The following FREM1 variants were observed in gnomAD, a reference collection of about 807,000 sequenced individuals.
The protein encoded by FREM1 is FRAS1 related extracellular matrix 1.
Under a neutral mutation model 210.1 loss-of-function variants are expected in FREM1, and 220 were observed. That is an observed-to-expected ratio of 1.05 (90% CI 0.94 to 1.17). The LOEUF is 1.17. FREM1 is among the 50% of genes most tolerant of loss of function. The pLI is 0.00. For missense variants in FREM1, 3,454 were observed against 2,675.5 expected (o/e 1.29, Z -6.42); for synonymous variants, 1,189 against 980.2 (o/e 1.21, Z -3.98).
At chr9:14,901,942 C>T (rs2132623613) in intron 1 of FREM1, among the ~76,000 whole-genome samples, 1 of 151,822 alleles carries the variant, frequency 6.6e-6, no homozygotes, top group South Asian at 2.1e-4. Flanking sequence ...GCCTTGACCA[C>T]TGGGTCTCAA....
intron 10 of FREM1, among the ~76,000 whole-genome samples, chr9:14,828,685 T>C (rs1181956023): frequency 6.6e-6 from 1 of 151,350 alleles, no homozygotes; most frequent in African/African-American, 2.4e-5. Context: ...TATTTATGTA[T>C]AAATTTATTT....
chr9:14,869,020 T>C lies in FREM1; in HGVS notation c.-43A>G. 1 of 1,383,916 alleles carries C rather than the reference T, an allele frequency of 7.2e-7. No individual in the cohort carries two copies. Among genetic ancestry groups the C allele is most frequent in the East Asian group, 2.5e-5 (1 of 40,012 alleles). The allele number at this position is 1,383,916 out of a possible 1,614,324, so 85.7% of individuals were successfully genotyped here. A position where few individuals can be genotyped will look rare whatever the true frequency, so the allele number is the denominator to read the frequency against. On this transcript the variant is annotated 5_prime_UTR_variant, in exon 2 of 37. Transcript: ENST00000380880. ...CTTCTCTGTCCACCGGCGAAATCCC[T>C]TTAACAAAGGAGGGCTTCTGTGCTT...
chr9:14,874,355 A>G (rs1387609817), intron 1 of FREM1, among the ~76,000 whole-genome samples: 45 of 150,656 alleles, frequency 3.0e-4, no homozygotes, highest in Non-Finnish European at 5.3e-4. Flanking sequence ...GTGCTCCTGT[A>G]TTGGGTGCAT....
chr9:14,742,586 G>A (rs1290919677), intron 35 of FREM1, among the ~76,000 whole-genome samples: 2 of 152,266 alleles, frequency 1.3e-5, no homozygotes, highest in African/African-American at 2.4e-5. Context: ...TGTCCTTGTG[G>A]AAATATGGGT....
Position 14,824,057 on chromosome 9 carries a change from G to A in FREM1, c.2137C>T (p.Pro713Ser), listed in dbSNP as rs1299683663. The change falls in exon 12 of 37, where the codon CCT (proline) becomes TCT (serine). Residue 713 changes from proline (P) to serine (S), a missense_variant. Pro to Ser is a moderately conservative substitution (Grantham distance 74). Coordinates refer to ENST00000380880, the MANE Select transcript of FREM1 (RefSeq NM_001379081.2). ...AATGACCTCAGCTCCAGGGCCGTAG[G>A]ATTCTTAACTACTTTTGGTATGCTG... ...VDSIPKVVKN[P>S]TALELRSFTQ... The A allele has an allele frequency of 1.9e-6, 3 of 1,593,912 alleles. No homozygotes were observed. Among genetic ancestry groups the A allele is most frequent in the Admixed American group, 1.7e-5 (1 of 57,494 alleles).
At chr9:14,745,046 A>G (rs1020694987) in intron 35 of FREM1, among the ~76,000 whole-genome samples, 1 of 152,166 alleles carries the variant, frequency 6.6e-6, no homozygotes, top group Non-Finnish European at 1.5e-5. Context: ...ATGTTCTCAT[A>G]AGTGAGAGCT....
chr9:14,876,523 C>G (rs1833782688), intron 1 of FREM1, among the ~76,000 whole-genome samples: 1 of 152,184 alleles, frequency 6.6e-6, no homozygotes, highest in African/African-American at 2.4e-5. Flanking sequence ...TGTTTTAAGC[C>G]CGTCGGAAAA....
upstream of FREM1, chr9:14,910,763 TACTC>T (rs757871570): frequency 3.9e-5 from 6 of 152,346 alleles, no homozygotes; most frequent in African/African-American, 7.2e-5. Context: ...CACATGTACA[TACTC>T]ACACAGACTC....
chr9:14,898,464 G>C (rs557030618), intron 1 of FREM1, among the ~76,000 whole-genome samples: 1 of 152,150 alleles, frequency 6.6e-6, no homozygotes, highest in African/African-American at 2.4e-5. Context: ...GAATGCAGCC[G>C]GGTGTGGTGG....
At chr9:14,807,885 A>G (rs1818676422) in intron 17 of FREM1, 55 bp downstream of exon 17, 1 of 1,199,706 alleles carries the variant, frequency 8.3e-7, no homozygotes, top group Admixed American at 1.9e-5. Context: ...TCACTGAACC[A>G]CAGGTATGAC....
chr9:14,797,621 T>A lies in FREM1; in HGVS notation c.3716A>T (p.His1239Leu). Residue 1239 changes from histidine to leucine, a missense_variant, in exon 21 of 37, where the codon CAT (histidine) becomes CTT (leucine). By Grantham distance (99) the His-to-Leu change is moderately conservative (BLOSUM62 -3). Transcript: ENST00000380880. ...LKTGMRLTYM[H>L]DDSESLADDF... ...ATCAGCAAGGCTCTCTGAGTCATCA[T>A]GCATGTACGTCAACCTCATTCCTGG... The A allele has an allele frequency of 6.2e-7, 1 of 1,612,786 alleles. No homozygotes were observed. Among genetic ancestry groups the A allele is most frequent in the Middle Eastern group, 1.7e-4 (1 of 6,060 alleles).
At chr9:14,870,952 A>G (rs1171489917) in intron 1 of FREM1, among the ~76,000 whole-genome samples, 3 of 151,618 alleles carry the variant, frequency 2.0e-5, no homozygotes, top group East Asian at 2.0e-4. Context: ...ATGATTTCCA[A>G]TTTCATCCAT....
intron 1 of FREM1, among the ~76,000 whole-genome samples, chr9:14,886,670 T>C (rs1588599181): frequency 6.6e-6 from 1 of 151,770 alleles, no homozygotes; most frequent in Non-Finnish European, 1.5e-5. Flanking sequence ...CCAAGGAAGG[T>C]GGATGACTTG....
At chr9:14,822,437 G>T (rs1821537578) in intron 13 of FREM1, among the ~76,000 whole-genome samples, 2 of 152,142 alleles carry the variant, frequency 1.3e-5, no homozygotes, top group South Asian at 4.1e-4. Flanking sequence ...TTTCCTTAAG[G>T]ATGAGGCATG....
chr9:14,869,221 G>A lies in FREM1; in HGVS notation c.-244C>T. 2.4e-6 allele frequency: 1 copy of A among 417,530 alleles called. No homozygotes were observed. 25.9% of individuals were successfully genotyped at this position (417,530 alleles called of 1,614,324 possible). A position where few individuals can be genotyped will look rare whatever the true frequency, so the allele number is the denominator to read the frequency against. On this transcript the variant is annotated 5_prime_UTR_variant, in exon 2 of 37. Transcript: ENST00000380880. Reference sequence around the variant, plus strand: ...CCTGACAACGCCGGCAAGATTAATGGGCTTCCCAAGTGCTTTTCTAATCCT... The same window carrying A: ...CCTGACAACGCCGGCAAGATTAATGAGCTTCCCAAGTGCTTTTCTAATCCT...
chr9:14,737,938 G>A (rs1488868208), intron 36 of FREM1, among the ~76,000 whole-genome samples: 1 of 152,120 alleles, frequency 6.6e-6, no homozygotes, highest in Non-Finnish European at 1.5e-5. Flanking sequence ...ATATATAAGT[G>A]TTTAATAAAT....
intron 5 of FREM1, among the ~76,000 whole-genome samples, chr9:14,856,835 CAAAAAAA>C (rs754857691): frequency 3.8e-5 from 3 of 78,104 alleles, no homozygotes; most frequent in South Asian, 9.3e-4. Context: ...GACTCCGTCT[CAAAAAAA>C]AAAAAAAAAA....
At chr9:14,766,611 A>C (rs1846458031) in intron 27 of FREM1, among the ~76,000 whole-genome samples, 1 of 152,144 alleles carries the variant, frequency 6.6e-6, no homozygotes, top group Admixed American at 6.6e-5. Context: ...ACTCCACAGG[A>C]ATCCTGCAAT....
chr9:14,741,231 C>T (rs1021887018), intron 35 of FREM1, among the ~76,000 whole-genome samples: 7 of 152,238 alleles, frequency 4.6e-5, no homozygotes, highest in East Asian at 1.9e-4. Context: ...GCAACACATT[C>T]GGGCAGATAG....
Sources: allele counts gnomAD v4.1 joint callset (sites outside exome capture counted in the v4.1 genomes callset), GRCh38; gene constraint gnomAD v4.1.1; transcripts MANE v1.5; gene names NCBI Gene and HGNC (gene_info 2026-07-23, HGNC 2026-07-21).